FLT1: variants seen among roughly 807,000 people sequenced by gnomAD.
The protein encoded by FLT1 is fms related receptor tyrosine kinase 1, also known as vascular endothelial growth factor receptor 1.
FLT1 carries 49 observed loss-of-function variants against 156.3 expected under a neutral mutation model. The observed-to-expected ratio is 0.31, with a 90% confidence interval of 0.25 to 0.40. The LOEUF is 0.40. Ranked by LOEUF, FLT1 falls within the 10% of genes least tolerant of loss-of-function variation. The pLI, the probability that FLT1 is intolerant of heterozygous loss-of-function variation, is 1.00. For synonymous variants in FLT1, 594 were observed against 583.8 expected, an observed-to-expected ratio of 1.02 and a Z score of -0.25; for missense variants, 1,322 against 1,637.2, an observed-to-expected ratio of 0.81 and a Z score of 3.32.
chr13:28,489,567 G>A (rs1881360719), intron 1 of FLT1, among the ~76,000 whole-genome samples: 1 of 152,162 alleles, frequency 6.6e-6, no homozygotes, highest in South Asian at 2.1e-4. Context: ...TCCCAGAGAT[G>A]GTGATTACTG....
intron 11 of FLT1, among the ~76,000 whole-genome samples, chr13:28,402,272 G>A (rs951156109): frequency 3.3e-5 from 5 of 152,158 alleles, no homozygotes; most frequent in South Asian, 2.1e-4. Context: ...AGGGATCACC[G>A]CAGTCTAAGC....
chr13:28,379,592 C>A (rs1873988950), intron 14 of FLT1, among the ~76,000 whole-genome samples: 1 of 152,218 alleles, frequency 6.6e-6, no homozygotes, highest in African/African-American at 2.4e-5. Flanking sequence ...CAGCAGACAG[C>A]ATGCCAACCC....
intron 29 of FLT1, 42 bp downstream of exon 29, chr13:28,306,636 C>T: frequency 7.4e-7 from 1 of 1,357,528 alleles, no homozygotes; most frequent in Non-Finnish European, 1.1e-6. Flanking sequence ...TCCCCTCGTA[C>T]CCCTCCATCA....
chr13:28,387,772 A>G, intron 13 of FLT1: 1 of 1,041,318 alleles, frequency 9.6e-7, no homozygotes, highest in Non-Finnish European at 1.2e-6. Flanking sequence ...CCCCTAGGGT[A>G]ACTAATAAAA....
chr13:28,391,318 G>T (rs1362293312), intron 12 of FLT1, among the ~76,000 whole-genome samples: 3 of 152,170 alleles, frequency 2.0e-5, no homozygotes, highest in African/African-American at 7.2e-5. Context: ...AAAGGGAAAA[G>T]TCAAGTTGAG....
At chr13:28,479,552 A>C (rs1157865967) in intron 1 of FLT1, among the ~76,000 whole-genome samples, 2 of 152,232 alleles carry the variant, frequency 1.3e-5, no homozygotes, top group Non-Finnish European at 2.9e-5. Context: ...ATGTTATACA[A>C]GTTTTGCTGA....
rs1288021167 is a variant in FLT1, at chr13:28,379,053, A to T, written c.2116+5832T>A. Among the ~76,000 whole-genome samples, 4 of 152,130 alleles carry T rather than the reference A, an allele frequency of 2.6e-5. 1 individual carries two copies. The highest frequency in any genetic ancestry group is 2.6e-4 in the Admixed American group (4 of 15,270). ...GAGAAGATCTTTCACGACATCAAGAATTAGTGGGGCTGGGCGTGTTGGCTC... is the reference window on the plus strand; with the variant it reads ...GAGAAGATCTTTCACGACATCAAGATTTAGTGGGGCTGGGCGTGTTGGCTC... On this transcript the variant is annotated intron_variant, in intron 14 of 29. Transcript: ENST00000282397.
At position 28,492,509 on chromosome 13, in the gene FLT1, GC is replaced by G. The variant is rs201129819; in HGVS notation, c.64+2270del. 9.7e-4 allele frequency among the ~76,000 whole-genome samples: 148 copies of G among 152,304 alleles called. 2 individuals are homozygous for G. In the East Asian group the frequency reaches 0.028, roughly 29 times the overall value. ...TAAATAAGCGCTTTAGAGGGGAAAG[GC>G]ATTATCTTTTTGTAATACTGAGCCT... On this transcript the variant is annotated intron_variant, in intron 1 of 29. Transcript: ENST00000282397.
chr13:28,377,861 T>C (rs1593722878), intron 14 of FLT1, among the ~76,000 whole-genome samples: 2 of 152,204 alleles, frequency 1.3e-5, no homozygotes, highest in African/African-American at 2.4e-5. Flanking sequence ...GAAACCAAAG[T>C]CTTCAAGAGA....
At chr13:28,438,398 C>A in intron 3 of FLT1, 53 bp from the exon 4 acceptor site, 1 of 1,399,870 alleles carries the variant, frequency 7.1e-7, no homozygotes, top group East Asian at 2.3e-5. Flanking sequence ...GACATGCAAG[C>A]ATCTAGACAC....
chr13:28,314,410 T>TA (rs556950095), intron 25 of FLT1, among the ~76,000 whole-genome samples: 11 of 151,506 alleles, frequency 7.3e-5, no homozygotes, highest in African/African-American at 2.4e-4. Flanking sequence ...AAAAAAAAAA[T>TA]AAAAAAATTC....
intron 10 of FLT1, among the ~76,000 whole-genome samples, chr13:28,423,896 T>C (rs1877161037): frequency 6.6e-6 from 1 of 152,186 alleles, no homozygotes; most frequent in Non-Finnish European, 1.5e-5. Context: ...CTTATTTTGG[T>C]GTTATTAATA....
chr13:28,345,781 T>A (rs191971821), intron 15 of FLT1: 6 of 421,368 alleles, frequency 1.4e-5, no homozygotes, highest in Non-Finnish European at 2.1e-5. Flanking sequence ...TGAACTCACA[T>A]AGAAAAGGCT....
intron 3 of FLT1, among the ~76,000 whole-genome samples, chr13:28,464,945 T>C (rs7328306): frequency 0.15 from 22,675 of 152,146 alleles, 3,097 homozygotes; most frequent in African/African-American, 0.37. Context: ...AATGAATAAA[T>C]TTTTCTCCCA....
In FLT1 at chr13:28,319,525, G is replaced by A. The variant is rs756508162; in HGVS notation, c.3184C>T (p.Pro1062Ser). The A allele has an allele frequency of 6.2e-7, 1 of 1,612,038 alleles. No individual in the cohort carries two copies. Among genetic ancestry groups the A allele is most frequent in the Non-Finnish European group, 8.5e-7 (1 of 1,178,284 alleles). Reference protein sequence around the residue: ...DYVRKGDTRLPLKWMAPESIF... With the variant: ...DYVRKGDTRLSLKWMAPESIF... ...GATTCAGGAGCCATCCATTTCAGAG[G>A]AAGTCGAGTCTAGAAGAGGGCAAGG... The change falls in exon 24 of 30, where the codon CCT becomes TCT. Residue 1062 changes from proline to serine, a missense_variant. By Grantham distance (74) the Pro-to-Ser change is moderately conservative. Coordinates refer to ENST00000282397, the MANE Select transcript of FLT1 (RefSeq NM_002019.4).
At chr13:28,436,502 A>G (rs1163889105) in intron 4 of FLT1, among the ~76,000 whole-genome samples, 1 of 152,182 alleles carries the variant, frequency 6.6e-6, no homozygotes, top group Non-Finnish European at 1.5e-5. Context: ...CGTAGGCAGA[A>G]AAAACAGTAA....
chr13:28,461,418 C>G (rs1195820858), intron 3 of FLT1, among the ~76,000 whole-genome samples: 1 of 152,110 alleles, frequency 6.6e-6, no homozygotes, highest in Admixed American at 6.5e-5. Context: ...AATGTATGAG[C>G]TCTGTCCAGC....
At chr13:28,422,085 C>A (rs935386686) in intron 10 of FLT1, among the ~76,000 whole-genome samples, 1 of 152,164 alleles carries the variant, frequency 6.6e-6, no homozygotes, top group Non-Finnish European at 1.5e-5. Context: ...AGTGGTATTA[C>A]CTTTATGTTT....
At chr13:28,389,705 T>C in intron 13 of FLT1, 91 bp downstream of exon 13, 3 of 1,601,162 alleles carry the variant, frequency 1.9e-6, no homozygotes, top group Non-Finnish European at 2.6e-6. Flanking sequence ...AGTCCTTTAA[T>C]GTTTTACATT....
Sources: allele counts gnomAD v4.1 joint callset (sites outside exome capture counted in the v4.1 genomes callset), GRCh38; gene constraint gnomAD v4.1.1; transcripts MANE v1.5; gene names NCBI Gene and HGNC (gene_info 2026-07-23, HGNC 2026-07-21).